The following ZHX2 variants were observed in gnomAD, a reference collection of about 807,000 sequenced individuals.
The protein encoded by ZHX2 is zinc fingers and homeoboxes protein 2.
ZHX2 carries 6 observed loss-of-function variants against 21.9 expected under a neutral mutation model. The ratio of observed to expected loss-of-function variants is 0.27; its 90% CI spans 0.15 to 0.54. The LOEUF is 0.54. Among genes scored for constraint, ZHX2 ranks in the 20% least tolerant of loss-of-function variants. ZHX2 has a pLI of 0.95. For missense variants in ZHX2, 908 were observed against 1,090.7 expected, an observed-to-expected ratio of 0.83 and a Z score of 2.36; for synonymous variants, 434 against 437.1, an observed-to-expected ratio of 0.99 and a Z score of 0.09.
chr8:122,945,295 A>T (rs904252522), intron 2 of ZHX2, among the ~76,000 whole-genome samples: 1 of 152,122 alleles, frequency 6.6e-6, no homozygotes, highest in East Asian at 1.9e-4. Context: ...ATTGAGTTGC[A>T]TTCCACTTGC....
At chr8:122,923,682 G>T (rs77963216) in intron 2 of ZHX2, among the ~76,000 whole-genome samples, 1 of 152,196 alleles carries the variant, frequency 6.6e-6, no homozygotes, top group African/African-American at 2.4e-5. Context: ...CTGAGAAGCC[G>T]ATGGTGGAGA....
intron 2 of ZHX2, among the ~76,000 whole-genome samples, chr8:122,944,979 C>T (rs1812934515): frequency 6.6e-6 from 1 of 152,070 alleles, no homozygotes; most frequent in African/African-American, 2.4e-5. Context: ...AAACAGACTC[C>T]CACAGAGGGA....
chr8:122,801,297 A>T (rs1295240007), intron 1 of ZHX2, among the ~76,000 whole-genome samples: 1 of 152,220 alleles, frequency 6.6e-6, no homozygotes, highest in Admixed American at 6.5e-5. Context: ...ACTTAAGTAA[A>T]CATATTCCTG....
intron 1 of ZHX2, among the ~76,000 whole-genome samples, chr8:122,796,093 C>T (rs1441404892): frequency 6.6e-6 from 1 of 151,826 alleles, no homozygotes; most frequent in African/African-American, 2.4e-5. Context: ...ATCGCTTGAA[C>T]CCAGGAGGCA....
At chr8:122,804,784 C>T (rs1003848544) in intron 1 of ZHX2, among the ~76,000 whole-genome samples, 1 of 152,178 alleles carries the variant, frequency 6.6e-6, no homozygotes, top group Non-Finnish European at 1.5e-5. Flanking sequence ...TTGGGGTTAC[C>T]TGCCCATCTG....
rs138790648 is a variant in ZHX2, at chr8:122,859,440, C to T, written c.-282-4037C>T. Among the ~76,000 whole-genome samples, 867 of 152,306 alleles carry T rather than the reference C, an allele frequency of 5.7e-3. 8 individuals carry two copies. The highest frequency in any genetic ancestry group is 0.019 in the African/African-American group (794 of 41,556). ...CTTCTAAGCACTTTATATGTATCAC[C>T]TCCCTCAATCCTGGAGGGGAAGGCG... On this transcript the variant is annotated intron_variant, in intron 1 of 3. Coordinates refer to ENST00000314393, the MANE Select transcript of ZHX2 (RefSeq NM_014943.5).
chr8:122,803,285 G>A (rs755766768), intron 1 of ZHX2, among the ~76,000 whole-genome samples: 34 of 152,152 alleles, frequency 2.2e-4, no homozygotes, highest in Admixed American at 3.3e-4. Flanking sequence ...GTTAAGGACC[G>A]TGATGGTGGC....
chr8:122,791,224 C>T (rs1817511873), intron 1 of ZHX2, among the ~76,000 whole-genome samples: 1 of 152,240 alleles, frequency 6.6e-6, no homozygotes, highest in South Asian at 2.1e-4. Context: ...ATTGGATGCT[C>T]CAAATATCCT....
chr8:122,940,351 G>A (rs146748204), intron 2 of ZHX2, among the ~76,000 whole-genome samples: 55 of 152,278 alleles, frequency 3.6e-4, no homozygotes, highest in Middle Eastern at 3.4e-3. Flanking sequence ...GAGTAAATTC[G>A]GGGCTCCCGG....
In ZHX2 at chr8:122,974,036, T is replaced by G. The variant is rs1313837256; in HGVS notation, c.*799T>G. On this transcript the variant is annotated 3_prime_UTR_variant, in exon 4 of 4. Coordinates refer to ENST00000314393, the MANE Select transcript of ZHX2 (RefSeq NM_014943.5). ...GGTGGCTGACTTCTTTAAGCACCTT[T>G]CTAAATACCAGCAGAAGAGGCTCCC... 1 of 152,668 alleles carries G rather than the reference T, an allele frequency of 6.6e-6. No homozygotes were observed. The highest frequency in any genetic ancestry group is 1.5e-5 in the Non-Finnish European group (1 of 68,066). The allele number at this position is 152,668 out of a possible 1,614,324, so 9.5% of individuals were successfully genotyped here.
chr8:122,953,859 C>A lies in ZHX2; in HGVS notation c.2349C>A (p.Asp783Glu). The A allele has an allele frequency of 1.9e-6, 3 of 1,614,176 alleles. No individual in the cohort carries two copies. Among genetic ancestry groups the A allele is most frequent in the South Asian group, 2.2e-5 (2 of 91,080 alleles). Residue 783 changes from aspartate (D) to glutamate (E), a missense_variant, in exon 3 of 4, where the codon GAC becomes GAA. Around this residue, in one of 4 missense-constraint regions of ZHX2, gnomAD observed 431 missense variants for 428.6 expected, o/e 1.01. Transcript: ENST00000314393. The surrounding 1 kb of genome is among the most constrained non-coding windows in gnomAD (Gnocchi z 4.6). ...GCAGCCGGGACGGCCAGGGTAGCGA[C>A]GAGAACGAGGAGTCGAGCGTTGTGG... ...EGSSRDGQGS[D>E]ENEESSVVDY...
At chr8:122,870,390 G>A (rs1819401378) in intron 2 of ZHX2, among the ~76,000 whole-genome samples, 1 of 152,036 alleles carries the variant, frequency 6.6e-6, no homozygotes, top group Non-Finnish European at 1.5e-5. Flanking sequence ...AGCACTTTGG[G>A]AGGCCAAGGG....
At chr8:122,804,976 G>A (rs1293754370) in intron 1 of ZHX2, among the ~76,000 whole-genome samples, 3 of 152,164 alleles carry the variant, frequency 2.0e-5, no homozygotes, top group South Asian at 2.1e-4. Flanking sequence ...CCATCCCCCA[G>A]CTGTAGACTC....
At chr8:122,966,812 A>G (rs559046710) in intron 3 of ZHX2, among the ~76,000 whole-genome samples, 1 of 152,198 alleles carries the variant, frequency 6.6e-6, no homozygotes, top group African/African-American at 2.4e-5. Flanking sequence ...TGGTCATTTC[A>G]CGTAATCCCA....
At chr8:122,789,725 G>A (rs779917569) in intron 1 of ZHX2, among the ~76,000 whole-genome samples, 1 of 152,230 alleles carries the variant, frequency 6.6e-6, no homozygotes, top group Non-Finnish European at 1.5e-5. Context: ...AGACATTAAG[G>A]GGAAAAGATG....
intron 2 of ZHX2, among the ~76,000 whole-genome samples, chr8:122,883,664 G>A (rs1305513194): frequency 6.6e-6 from 1 of 152,188 alleles, no homozygotes; most frequent in Admixed American, 6.5e-5. Flanking sequence ...AGTTTTACAT[G>A]TCACATATGG....
At chr8:122,800,183 C>T (rs1030010734) in intron 1 of ZHX2, among the ~76,000 whole-genome samples, 1 of 152,172 alleles carries the variant, frequency 6.6e-6, no homozygotes, top group East Asian at 1.9e-4. Flanking sequence ...GAAGAAAATG[C>T]TTTTTGCTCC....
At chr8:122,829,363 T>C (rs1434408917) in intron 1 of ZHX2, among the ~76,000 whole-genome samples, 1 of 152,248 alleles carries the variant, frequency 6.6e-6, no homozygotes, top group African/African-American at 2.4e-5. Context: ...ACAAGGCTTG[T>C]TAACTTTTAC....
At chr8:122,955,978 G>A (rs1402152144) in intron 3 of ZHX2, among the ~76,000 whole-genome samples, 3 of 151,510 alleles carry the variant, frequency 2.0e-5, no homozygotes, top group Non-Finnish European at 2.9e-5. Context: ...CCGAGTAGCT[G>A]GGATTACAGG....
Sources: gnomAD v4.1 joint callset for allele counts (sites outside exome capture counted in the v4.1 genomes callset) on GRCh38, gnomAD v4.1.1 for gene constraint, gnomAD v4.1.1 regional missense constraint, Gnocchi (gnomAD v3.1) non-coding constraint, MANE v1.5 for transcripts, NCBI Gene and HGNC (gene_info 2026-07-23, HGNC 2026-07-21) for gene names.